Variants in MAST2 observed in about 807,000 individuals in gnomAD.
The protein encoded by MAST2 is microtubule associated serine/threonine kinase 2.
MAST2 carries 70 observed loss-of-function variants against 147.4 expected under a neutral mutation model. The observed-to-expected ratio is 0.47, with a 90% CI of 0.39 to 0.58. The LOEUF is 0.58. MAST2 is among the 20% of genes least tolerant of loss of function. MAST2 has a pLI of 0.00. For synonymous variants in MAST2, 869 were observed against 896.8 expected, an observed-to-expected ratio of 0.97 and a Z score of 0.55; for missense variants, 2,080 against 2,302.3, an observed-to-expected ratio of 0.90 and a Z score of 1.98.
intron 3 of MAST2, chr1:45,847,645 C>T: frequency 4.1e-6 from 2 of 489,080 alleles, no homozygotes; most frequent in South Asian, 4.5e-5. Context: ...GCTCTGCACT[C>T]TAGACCCAGG....
At chr1:45,906,680 TATA>T (rs1382735240) in intron 4 of MAST2, among the ~76,000 whole-genome samples, 5 of 148,812 alleles carry the variant, frequency 3.4e-5, no homozygotes, top group Non-Finnish European at 7.4e-5. Flanking sequence ...GTTTGTAACA[TATA>T]ATAATTATAT....
Position 46,031,478 on chromosome 1 carries a change from G to C in MAST2, c.3080G>C (p.Arg1027Pro). The C allele has an allele frequency of 2.5e-6, 4 of 1,614,122 alleles. No individual in the cohort carries two copies. The highest frequency in any genetic ancestry group is 3.4e-6 in the Non-Finnish European group (4 of 1,180,020). Residue 1027 changes from arginine to proline, a missense_variant, in exon 24 of 29, where the codon CGC becomes CCC. By Grantham distance (103) the Arg-to-Pro change is moderately radical. This residue lies in a region of MAST2 where 1,278 missense variants were observed against 1,304.2 expected (regional missense o/e 0.98). Coordinates refer to ENST00000361297, the MANE Select transcript of MAST2 (RefSeq NM_015112.3). The surrounding 1 kb of genome is among the most constrained non-coding windows in gnomAD (Gnocchi z 4.1). The part of the protein sequence containing the change: ...AISDLAVRRA[R>P]HRLLSGDSTE... ...AGTGACCTGGCTGTGCGTAGGGCCC[G>C]CCACCGGCTGCTCTCTGGGGACTCA...
chr1:45,957,169 AC>A (rs1212216713), intron 4 of MAST2, among the ~76,000 whole-genome samples: 3 of 152,018 alleles, frequency 2.0e-5, no homozygotes, highest in Non-Finnish European at 4.4e-5. Flanking sequence ...CATACAACAT[AC>A]TCTTTTTTGT....
At chr1:45,994,900 A>G (rs2149138400) in intron 5 of MAST2, among the ~76,000 whole-genome samples, 1 of 150,364 alleles carries the variant, frequency 6.7e-6, no homozygotes, top group Non-Finnish European at 1.5e-5. Context: ...GTACAGTGGC[A>G]CTGTCTCGGC....
chr1:45,962,579 G>A (rs868104724), intron 5 of MAST2, among the ~76,000 whole-genome samples: 2 of 152,190 alleles, frequency 1.3e-5, no homozygotes, highest in African/African-American at 4.8e-5. Context: ...CTTTTGAGAA[G>A]TGTCTGTTCA....
chr1:45,939,250 A>T (rs1570822246), intron 4 of MAST2, among the ~76,000 whole-genome samples: 1 of 152,122 alleles, frequency 6.6e-6, no homozygotes, highest in East Asian at 1.9e-4. Context: ...TTTCTAGCAG[A>T]ATTCGCTGGA....
At position 46,034,904 on chromosome 1, in the gene MAST2, C is replaced by T. The variant is rs761046796; in HGVS notation, c.4235C>T (p.Ala1412Val). The T allele has an allele frequency of 1.2e-6, 2 of 1,614,218 alleles. No homozygotes were observed. Among genetic ancestry groups the T allele is most frequent in the Non-Finnish European group, 1.7e-6 (2 of 1,180,048 alleles). Residue 1412 changes from alanine (A) to valine (V), a missense_variant, in exon 29 of 29, where the codon GCA becomes GTA. Transcript: ENST00000361297. Reference protein sequence around the residue: ...LKRVQSAEKLAAALAASEKKL... With the variant: ...LKRVQSAEKLVAALAASEKKL... ...AGGGTGCAGTCGGCTGAGAAACTGG[C>T]AGCAGCACTTGCCGCCTCTGAGAAG... is the stretch of plus-strand genomic sequence containing the variant.
chr1:45,920,068 T>C (rs1653206726), intron 4 of MAST2, among the ~76,000 whole-genome samples: 2 of 152,200 alleles, frequency 1.3e-5, no homozygotes, highest in Admixed American at 1.3e-4. Context: ...TTTTTCTTAC[T>C]ACTGAGGCAA....
chr1:45,900,166 T>A, intron 4 of MAST2, among the ~76,000 whole-genome samples: 1 of 52,098 alleles, frequency 1.9e-5, no homozygotes. Flanking sequence ...CGAGACTCTC[T>A]CTCTCTCAAA....
intron 5 of MAST2, among the ~76,000 whole-genome samples, chr1:45,978,693 C>T (rs1445046704): frequency 6.6e-6 from 1 of 152,114 alleles, no homozygotes; most frequent in Non-Finnish European, 1.5e-5. Context: ...TTGGTGTTTT[C>T]TTACGTAAAG....
At position 46,023,952 on chromosome 1, in the gene MAST2, C is replaced by T; in HGVS notation, c.1752C>T (p.His584=). The part of the protein sequence containing the change: ...SMFCSFDTKR[H]LCMVMEYVEG... ...TCTGCTCCTTTGATACCAAGCGCCA[C>T]TTGTGCATGGTGATGGAGTACGTTG... The change falls in exon 15 of 29, where the codon CAC becomes CAT. Residue 584 remains histidine (H), a synonymous_variant. Transcript: ENST00000361297. The surrounding 1 kb of genome is among the most constrained non-coding windows in gnomAD (Gnocchi z 4.9). 1 of 1,614,212 alleles carries T rather than the reference C, an allele frequency of 6.2e-7. No individual in the cohort carries two copies. The highest frequency in any genetic ancestry group is 8.5e-7 in the Non-Finnish European group (1 of 1,180,036).
intron 2 of MAST2, among the ~76,000 whole-genome samples, chr1:45,825,153 G>C (rs552231647): frequency 6.6e-6 from 1 of 151,956 alleles, no homozygotes; most frequent in Admixed American, 6.6e-5. Flanking sequence ...AGCCTCCCGA[G>C]TAGCTGGGAC....
At position 45,803,704 on chromosome 1, in the gene MAST2, G is replaced by A; in HGVS notation, c.-192G>A. The A allele has an allele frequency of 2.9e-6, 1 of 349,960 alleles. No individual in the cohort carries two copies. Among genetic ancestry groups the A allele is most frequent in the Admixed American group, 4.8e-5 (1 of 20,886 alleles). 21.7% of individuals were successfully genotyped at this position (349,960 alleles called of 1,614,324 possible). On this transcript the variant is annotated 5_prime_UTR_variant, in exon 1 of 29. Coordinates refer to ENST00000361297, the MANE Select transcript of MAST2 (RefSeq NM_015112.3). ...GTCAGCGATGCTGTCTCTTCCGTGA[G>A]GAGCGCAGAGGAGGTCGCGGCGCCG...
At chr1:45,817,532 C>G (rs1644493030) in intron 1 of MAST2, among the ~76,000 whole-genome samples, 1 of 152,066 alleles carries the variant, frequency 6.6e-6, no homozygotes, top group Non-Finnish European at 1.5e-5. Context: ...ACAGAGAAGT[C>G]GAGTAATTTC....
chr1:45,962,416 A>C (rs1660562842), intron 5 of MAST2, among the ~76,000 whole-genome samples: 1 of 152,044 alleles, frequency 6.6e-6, no homozygotes, highest in Non-Finnish European at 1.5e-5. Flanking sequence ...ATTTCTCCAC[A>C]TCCTCTCCAG....
At chr1:45,920,624 A>G (rs1653309126) in intron 4 of MAST2, among the ~76,000 whole-genome samples, 1 of 152,164 alleles carries the variant, frequency 6.6e-6, no homozygotes, top group Admixed American at 6.5e-5. Flanking sequence ...TTGCTTTATG[A>G]GATTATTGGT....
intron 6 of MAST2, among the ~76,000 whole-genome samples, chr1:45,998,662 T>A (rs1010983605): frequency 6.6e-6 from 1 of 152,180 alleles, no homozygotes; most frequent in Non-Finnish European, 1.5e-5. Context: ...TGGTTCCAGA[T>A]TTGTAACCTT....
chr1:45,828,914 A>C (rs1644871513), intron 2 of MAST2, among the ~76,000 whole-genome samples: 1 of 151,822 alleles, frequency 6.6e-6, no homozygotes, highest in Non-Finnish European at 1.5e-5. Context: ...ACAGTGAGTG[A>C]CACTCTGTCT....
chr1:45,914,924 T>A (rs887302334), intron 4 of MAST2, among the ~76,000 whole-genome samples: 1 of 152,162 alleles, frequency 6.6e-6, no homozygotes, highest in African/African-American at 2.4e-5. Context: ...TTAAGAAAAC[T>A]TAAATGGTCA....
Sources: allele counts gnomAD v4.1 joint callset (sites outside exome capture counted in the v4.1 genomes callset), GRCh38; gene constraint gnomAD v4.1.1; regional missense constraint gnomAD v4.1.1; non-coding constraint Gnocchi (gnomAD v3.1); transcripts MANE v1.5; gene names NCBI Gene and HGNC (gene_info 2026-07-23, HGNC 2026-07-21).